The following BUB1B variants were observed in gnomAD, a reference collection of about 807,000 sequenced individuals.
BUB1B encodes the protein mitotic checkpoint serine/threonine-protein kinase BUB1 beta.
In BUB1B, 86 loss-of-function variants were observed where a neutral mutation model predicts 137.7. The ratio of observed to expected loss-of-function variants is 0.62; its 90% CI spans 0.52 to 0.75. The LOEUF is 0.75. Ranked by LOEUF, BUB1B falls within the 30% of genes least tolerant of loss-of-function variation. BUB1B has a pLI of 0.00. For synonymous variants in BUB1B, 420 were observed against 417.9 expected (o/e 1.00, Z -0.06); for missense variants, 1,130 against 1,236.9 (o/e 0.91, Z 1.30).
intron 8 of BUB1B, among the ~76,000 whole-genome samples, chr15:40,191,308 ACTACT>A (rs2037434360): frequency 2.6e-5 from 4 of 152,216 alleles, no homozygotes; most frequent in Non-Finnish European, 4.4e-5. Context: ...GTAAGGGGAA[ACTACT>A]CTATTTGGTT....
chr15:40,165,103 T>C lies in BUB1B; in HGVS notation c.86T>C (p.Val29Ala), dbSNP rs771937088. ...GAATGGGAACTGAGTAAAGAAAATG[T>C]ACAACCTTTAAGGCAAGGGCGGATC... Reference protein sequence around the residue: ...GDEWELSKENVQPLRQGRIMS... With the variant: ...GDEWELSKENAQPLRQGRIMS... The change falls in exon 2 of 23, where the codon GTA becomes GCA. Residue 29 changes from valine to alanine, a missense_variant. Coordinates refer to ENST00000287598, the MANE Select transcript of BUB1B (RefSeq NM_001211.6). 3 of 1,614,214 alleles carry C rather than the reference T, an allele frequency of 1.9e-6. No individual in the cohort carries two copies. The highest frequency in any genetic ancestry group is 1.7e-5 in the Admixed American group (1 of 60,024).
At chr15:40,216,020 T>G (rs1055194748) in intron 20 of BUB1B, among the ~76,000 whole-genome samples, 3 of 152,222 alleles carry the variant, frequency 2.0e-5, no homozygotes, top group Non-Finnish European at 2.9e-5. Context: ...TCCAAAAAAA[T>G]GGAATGTCCT....
In BUB1B at chr15:40,200,940, A is replaced by G; in HGVS notation, c.1527A>G (p.Ser509=). The change falls in exon 12 of 23, where the codon TCA becomes TCG. Residue 509 remains serine, a synonymous_variant. Transcript: ENST00000287598. ...CQVNCCARET[S]LAENIWQEQP... ...ACAAGTTTCTTTACAGAGAAACTTC[A>G]CTTGCGGAGAACATTTGGCAGGAAC... 6.2e-7 allele frequency: 1 copy of G among 1,613,386 alleles called. No individual in the cohort carries two copies. Among genetic ancestry groups the G allele is most frequent in the Non-Finnish European group, 8.5e-7 (1 of 1,179,544 alleles).
chr15:40,186,026 T>C (rs1001884163), intron 8 of BUB1B, among the ~76,000 whole-genome samples: 1 of 152,162 alleles, frequency 6.6e-6, no homozygotes, highest in African/African-American at 2.4e-5. Flanking sequence ...GGAAAATCAA[T>C]GGTGGCTATT....
At chr15:40,210,803 T>C (rs772011150) in intron 18 of BUB1B, among the ~76,000 whole-genome samples, 119 of 152,180 alleles carry the variant, frequency 7.8e-4, no homozygotes, top group Non-Finnish European at 1.4e-3. Flanking sequence ...TGCTTTTGAA[T>C]TTTTTTGCCA....
intron 6 of BUB1B, among the ~76,000 whole-genome samples, chr15:40,184,291 AT>A (rs973276778): frequency 6.6e-6 from 1 of 151,434 alleles, no homozygotes; most frequent in Admixed American, 6.6e-5. Flanking sequence ...ATCAGCAATA[AT>A]TTTTTTTAAT....
chr15:40,203,380 G>A (rs1374931337), intron 14 of BUB1B, among the ~76,000 whole-genome samples: 1 of 152,144 alleles, frequency 6.6e-6, no homozygotes, highest in East Asian at 1.9e-4. Flanking sequence ...GTTTTCCAGG[G>A]GATTAGAGGG....
In BUB1B at chr15:40,206,177, ATT is replaced by A; in HGVS notation, c.1735-5_1735-4del. On this transcript the variant is annotated splice_region_variant and splice_polypyrimidine_tract_variant and intron_variant, in intron 14 of 22. Transcript: ENST00000287598. The stretch of plus-strand genomic sequence containing the variant: ...TTTAGCTAAACTTTATATGGTCTTT[ATT>A]TCAGGATGAATTTACAGGAATTGAA... The A allele has an allele frequency of 2.5e-6, 4 of 1,614,022 alleles. No homozygotes were observed. The South Asian group carries it at 4.4e-5, about 18-fold the overall frequency.
chr15:40,199,829 T>G, intron 10 of BUB1B, 102 bp downstream of exon 10: 1 of 902,134 alleles, frequency 1.1e-6, no homozygotes, highest in Non-Finnish European at 1.8e-6. Flanking sequence ...CCATTTAGAG[T>G]TTCTGGTAGT....
At chr15:40,217,438 T>A (rs1447631316) in intron 20 of BUB1B, 58 bp from the exon 21 acceptor site, 3 of 1,553,658 alleles carry the variant, frequency 1.9e-6, no homozygotes, top group Admixed American at 1.7e-5. Context: ...AAAGACCAGC[T>A]ATGCAGCTTC....
intron 5 of BUB1B, among the ~76,000 whole-genome samples, chr15:40,180,422 C>A (rs2037274222): frequency 6.6e-6 from 1 of 151,112 alleles, no homozygotes; most frequent in African/African-American, 2.4e-5. Context: ...TGCGCCACCA[C>A]ACCCGGCTAA....
intron 5 of BUB1B, among the ~76,000 whole-genome samples, chr15:40,178,222 A>G (rs1426385669): frequency 6.6e-6 from 1 of 151,966 alleles, no homozygotes; most frequent in African/African-American, 2.4e-5. Context: ...TTCCCTTCTA[A>G]GCACTGCTTT....
Position 40,213,430 on chromosome 15 carries a change from A to C in BUB1B, c.2634A>C (p.Ile878=), listed in dbSNP as rs1233769017. Residue 878 remains isoleucine, a synonymous_variant, in exon 20 of 23, where the codon ATA becomes ATC. Transcript: ENST00000287598. ...TIVEMLHKAE[I]VHGDLSPRCL... is the part of the protein sequence containing the mutation. ...TGGAGATGCTACACAAAGCAGAAAT[A>C]GTCCATGGTGACTTGAGTCCAAGGT... 1.4e-5 allele frequency: 23 copies of C among 1,614,124 alleles called. No individual in the cohort carries two copies. The highest frequency in any genetic ancestry group is 1.9e-5 in the Non-Finnish European group (22 of 1,180,040).
chr15:40,178,792 G>A (rs1566818172), intron 5 of BUB1B, among the ~76,000 whole-genome samples: 1 of 151,716 alleles, frequency 6.6e-6, no homozygotes, highest in African/African-American at 2.4e-5. Context: ...CTTTATCCCT[G>A]ATAATACTCC....
At chr15:40,208,538 C>CAA in intron 15 of BUB1B, 99 bp from the exon 16 acceptor site, 3 of 1,282,840 alleles carry the variant, frequency 2.3e-6, no homozygotes, top group Non-Finnish European at 1.1e-6. Context: ...AACTCCATCT[C>CAA]AAAAAAAAGA....
intron 14 of BUB1B, among the ~76,000 whole-genome samples, chr15:40,203,757 C>A (rs1051176305): frequency 2.0e-5 from 3 of 152,046 alleles, no homozygotes; most frequent in African/African-American, 7.2e-5. Context: ...GGTAAAAAGA[C>A]CCTGTGTAGA....
At chr15:40,180,278 G>A (rs1194528045) in intron 5 of BUB1B, among the ~76,000 whole-genome samples, 1 of 116,158 alleles carries the variant, frequency 8.6e-6, no homozygotes, top group African/African-American at 3.9e-5. Context: ...TTTTGAGATG[G>A]AGTCTTGCTC....
Position 40,209,734 on chromosome 15 carries a change from G to C in BUB1B, c.2243G>C (p.Arg748Thr). Residue 748 changes from arginine to threonine, a missense_variant, in exon 17 of 23, where the codon AGA becomes ACA. Arg to Thr is a moderately conservative substitution (Grantham distance 71). Transcript: ENST00000287598. Reference protein sequence around the residue: ...SASAELCIEDRPMPKLEIEKE... With the variant: ...SASAELCIEDTPMPKLEIEKE... ...TCTGCAGAGTTGTGTATAGAAGACA[G>C]ACCAATGCCTAAGTTGGAAATTGAG... is the stretch of plus-strand genomic sequence containing the variant. The C allele has an allele frequency of 6.2e-7, 1 of 1,614,126 alleles. No homozygotes were observed. The highest frequency in any genetic ancestry group is 8.5e-7 in the Non-Finnish European group (1 of 1,180,024).
In BUB1B at chr15:40,218,627, A is replaced by G. The variant is rs1330044083; in HGVS notation, c.2957+65A>G. On this transcript the variant is annotated intron_variant, in intron 22 of 22. Coordinates refer to ENST00000287598, the MANE Select transcript of BUB1B (RefSeq NM_001211.6). ...TAATTTTCTGTTTCTCTTGGGTGCT[A>G]TCTCTGCTTTGGCAGCCTTAGTTTT... 1.5e-5 allele frequency: 18 copies of G among 1,234,948 alleles called. No homozygotes were observed. The East Asian group carries it at 1.6e-4, about 11-fold the overall frequency. 76.5% of individuals were successfully genotyped at this position (1,234,948 alleles called of 1,614,324 possible).
Sources: allele counts gnomAD v4.1 joint callset (sites outside exome capture counted in the v4.1 genomes callset), GRCh38; gene constraint gnomAD v4.1.1; transcripts MANE v1.5; gene names NCBI Gene and HGNC (gene_info 2026-07-23, HGNC 2026-07-21).